Variants in ZNF556 observed in about 807,000 individuals in gnomAD.
The protein encoded by ZNF556 is zinc finger protein 556.
ZNF556 carries 11 observed loss-of-function variants against 13.6 expected under a neutral mutation model. The ratio of observed to expected loss-of-function variants is 0.81; its 90% CI spans 0.51 to 1.33. The LOEUF is 1.33. Ranked by LOEUF, ZNF556 falls within the 40% of genes most tolerant of loss-of-function variation. The probability of loss-of-function intolerance (pLI) is 0.00; values close to 1 mark genes in which losing one functional copy is unlikely to be tolerated. For missense variants in ZNF556, 633 were observed against 566.2 expected, an observed-to-expected ratio of 1.12 and a Z score of -1.20; for synonymous variants, 229 against 207.8, an observed-to-expected ratio of 1.10 and a Z score of -0.88.
chr19:2,873,545 G>T lies in ZNF556; in HGVS notation c.53G>T (p.Trp18Leu). 1.2e-6 allele frequency: 2 copies of T among 1,614,112 alleles called. No homozygotes were observed. Among genetic ancestry groups the T allele is most frequent in the Non-Finnish European group, 1.7e-6 (2 of 1,180,000 alleles). ...DVVVDFTLEE[W>L]ALLNPAQRKL... ...GTTGTGGATTTCACGCTGGAGGAGT[G>T]GGCCTTGCTGAATCCTGCTCAGAGA... The change falls in exon 2 of 4, where the codon TGG becomes TTG. Residue 18 changes from tryptophan (W) to leucine (L), a missense_variant. By Grantham distance (61) the Trp-to-Leu change is moderately conservative (BLOSUM62 -2). Coordinates refer to ENST00000307635, the MANE Select transcript of ZNF556 (RefSeq NM_024967.3).
chr19:2,872,688 G>A (rs1197510184), intron 1 of ZNF556, among the ~76,000 whole-genome samples: 1 of 151,710 alleles, frequency 6.6e-6, no homozygotes, highest in Non-Finnish European at 1.5e-5. Flanking sequence ...GTGTGGTGGC[G>A]GGCACCTGTA....
chr19:2,878,038 T>C lies in ZNF556; in HGVS notation c.1080T>C (p.Asp360=). Residue 360 remains aspartate (D), a synonymous_variant, in exon 4 of 4, where the codon GAT becomes GAC. Transcript: ENST00000307635. Reference sequence around the variant, plus strand: ...CCGCGAGGCCTCGCCCCTCCACAGATGTCAAATCACAAACTAGAGAGAAAG... The same window carrying C: ...CCGCGAGGCCTCGCCCCTCCACAGACGTCAAATCACAAACTAGAGAGAAAG... ...KSSARPRPST[D]VKSQTREKVY... The C allele has an allele frequency of 6.2e-7, 1 of 1,614,078 alleles. No homozygotes were observed.
rs1331860134 is a variant in ZNF556, at chr19:2,878,742, C to G, written c.*413C>G. The G allele has an allele frequency of 1.2e-5, 2 of 160,762 alleles. No homozygotes were observed. Among genetic ancestry groups the G allele is most frequent in the Admixed American group, 5.9e-5 (1 of 16,926 alleles). 10.0% of individuals were successfully genotyped at this position (160,762 alleles called of 1,614,324 possible). On this transcript the variant is annotated 3_prime_UTR_variant, in exon 4 of 4. Transcript: ENST00000307635. ...TTTATAAATATGGTATTGCCTTTAT[C>G]AGGACCACATCCTAAAAGTGGGCCT...
At chr19:2,874,439 G>A (rs1362744530) in intron 2 of ZNF556, among the ~76,000 whole-genome samples, 1 of 151,494 alleles carries the variant, frequency 6.6e-6, no homozygotes, top group African/African-American at 2.4e-5. Flanking sequence ...TTTTCTTTCT[G>A]CCTTGTTGAA....
chr19:2,870,718 GC>G (rs1176333653), intron 1 of ZNF556, among the ~76,000 whole-genome samples: 5 of 147,736 alleles, frequency 3.4e-5, no homozygotes, highest in African/African-American at 1.3e-4. Context: ...TTGCACTCCA[GC>G]CTGGGCGACA....
In ZNF556 at chr19:2,882,254, T is replaced by C. The variant is rs2087909449; in HGVS notation, c.*3925T>C. On this transcript the variant is annotated 3_prime_UTR_variant, in exon 4 of 4. Transcript: ENST00000307635. Reference sequence around the variant, plus strand: ...CATCCTGGCTAACCCGGTGAAACCCTGTCTCTAGTAAAAAATACAAAAAAT... The same window carrying C: ...CATCCTGGCTAACCCGGTGAAACCCCGTCTCTAGTAAAAAATACAAAAAAT... 6.6e-6 allele frequency: 1 copy of C among 151,886 alleles called. No individual in the cohort carries two copies. Among genetic ancestry groups the C allele is most frequent in the Admixed American group, 6.6e-5 (1 of 15,224 alleles). The allele number at this position is 151,886 out of a possible 1,614,324, so 9.4% of individuals were successfully genotyped here.
Position 2,867,413 on chromosome 19 carries a change from G to T in ZNF556, c.-9G>T. ...GGAGCTCCTCAAAGAGCTCAGGAACGGACAGGACATGGTGAGTGCAGGGCA... is the reference window on the plus strand; with the variant it reads ...GGAGCTCCTCAAAGAGCTCAGGAACTGACAGGACATGGTGAGTGCAGGGCA... On this transcript the variant is annotated 5_prime_UTR_variant, in exon 1 of 4. Coordinates refer to ENST00000307635, the MANE Select transcript of ZNF556 (RefSeq NM_024967.3). 1 of 1,584,280 alleles carries T rather than the reference G, an allele frequency of 6.3e-7. No homozygotes were observed. Among genetic ancestry groups the T allele is most frequent in the African/African-American group, 1.3e-5 (1 of 74,900 alleles).
In ZNF556 at chr19:2,876,229, A is replaced by G; in HGVS notation, c.267A>G (p.Glu89=). The G allele has an allele frequency of 6.2e-7, 1 of 1,609,296 alleles. No homozygotes were observed. The highest frequency in any genetic ancestry group is 8.5e-7 in the Non-Finnish European group (1 of 1,178,654). Residue 89 remains glutamate, a synonymous_variant, in exon 3 of 4, where the codon GAA becomes GAG. Transcript: ENST00000307635. Reference sequence around the variant, plus strand: ...CCTCCCTTTTAGGAAAAAATTGGGAAGAACATAGCGTTAAAGACAAGCACA... The same window carrying G: ...CCTCCCTTTTAGGAAAAAATTGGGAGGAACATAGCGTTAAAGACAAGCACA... ...IWASLLGKNW[E]EHSVKDKHNT...
Position 2,873,524 on chromosome 19 carries a change from T to C in ZNF556, c.32T>C (p.Val11Ala). The change falls in exon 2 of 4, where the codon GTG becomes GCG. Residue 11 changes from valine (V) to alanine (A), a missense_variant. Coordinates refer to ENST00000307635, the MANE Select transcript of ZNF556 (RefSeq NM_024967.3). Reference protein sequence around the residue: MDTVVFEDVVVDFTLEEWALL... With the variant: MDTVVFEDVVADFTLEEWALL... ...ACAGTGGTCTTTGAAGACGTGGTTG[T>C]GGATTTCACGCTGGAGGAGTGGGCC... is the stretch of plus-strand genomic sequence containing the variant. 1 of 1,614,194 alleles carries C rather than the reference T, an allele frequency of 6.2e-7. No homozygotes were observed. The highest frequency in any genetic ancestry group is 1.1e-5 in the South Asian group (1 of 91,086).
chr19:2,873,445 G>A, intron 1 of ZNF556, 51 bp from the exon 2 acceptor site: 4 of 1,604,018 alleles, frequency 2.5e-6, no homozygotes, highest in Non-Finnish European at 3.4e-6. Flanking sequence ...CAGTTCCGCA[G>A]TGCTGTGAGT....
rs57053138 is a variant in ZNF556 at position 2,882,531 on chromosome 19, A to ATAGTGTGTGTGTGTGTGTGTGTGT, written c.*4202_*4203insTAGTGTGTGTGTGTGTGTGTGTGT. The stretch of plus-strand genomic sequence containing the variant: ...ATACATTTTATATATATATATATAT[A>ATAGTGTGTGTGTGTGTGTGTGTGT]GTGTGTGTGTGTGTGTGTGTGTGTG... On this transcript the variant is annotated 3_prime_UTR_variant, in exon 4 of 4. Coordinates refer to ENST00000307635, the MANE Select transcript of ZNF556 (RefSeq NM_024967.3). 4 of 127,722 alleles carry ATAGTGTGTGTGTGTGTGTGTGTGT rather than the reference A, an allele frequency of 3.1e-5. No individual in the cohort carries two copies. Among genetic ancestry groups the ATAGTGTGTGTGTGTGTGTGTGTGT allele is most frequent in the Non-Finnish European group, 4.8e-5 (3 of 62,718 alleles). The allele number at this position is 127,722 out of a possible 1,614,324, so 7.9% of individuals were successfully genotyped here.
At chr19:2,872,972 A>G (rs1257595218) in intron 1 of ZNF556, among the ~76,000 whole-genome samples, 4 of 151,864 alleles carry the variant, frequency 2.6e-5, no homozygotes, top group African/African-American at 9.7e-5. Flanking sequence ...ATCTCTACTA[A>G]AAATATAAAA....
At chr19:2,874,185 A>C (rs1411883137) in intron 2 of ZNF556, among the ~76,000 whole-genome samples, 2 of 152,022 alleles carry the variant, frequency 1.3e-5, no homozygotes, top group African/African-American at 4.8e-5. Context: ...TGAACCCGGG[A>C]GGCAGAGGTT....
chr19:2,882,449 G>A lies in ZNF556; in HGVS notation c.*4120G>A, dbSNP rs2087910998. 6.7e-6 allele frequency: 1 copy of A among 149,662 alleles called. No individual in the cohort carries two copies. Among genetic ancestry groups the A allele is most frequent in the African/African-American group, 2.5e-5 (1 of 40,602 alleles). 9.3% of individuals were successfully genotyped at this position (149,662 alleles called of 1,614,324 possible). On this transcript the variant is annotated 3_prime_UTR_variant, in exon 4 of 4. Coordinates refer to ENST00000307635, the MANE Select transcript of ZNF556 (RefSeq NM_024967.3). ...TCTCAAAAAAAAAAAGAGACAAAAG[G>A]TATATTTATGGTTCAGCCTCATTTC...
In ZNF556 at chr19:2,876,268, A is replaced by G. The variant is rs1242607774; in HGVS notation, c.306A>G (p.Arg102=). Residue 102 remains arginine, a synonymous_variant, in exon 3 of 4, where the codon AGA becomes AGG. Coordinates refer to ENST00000307635, the MANE Select transcript of ZNF556 (RefSeq NM_024967.3). ...AAGACAAGCACAACACCAAGGAGAG[A>G]CATTTGAGGTGAGTTGTACTTAGAA... ...SVKDKHNTKE[R]HLSRNPRVER... is the part of the protein sequence containing the mutation. 2 of 1,589,296 alleles carry G rather than the reference A, an allele frequency of 1.3e-6. No individual in the cohort carries two copies. Among genetic ancestry groups the G allele is most frequent in the Non-Finnish European group, 1.7e-6 (2 of 1,172,396 alleles).
At position 2,879,406 on chromosome 19, in the gene ZNF556, A is replaced by C. The variant is rs1237383138; in HGVS notation, c.*1077A>C. The C allele has an allele frequency of 6.6e-6, 1 of 152,018 alleles. No individual in the cohort carries two copies. Among genetic ancestry groups the C allele is most frequent in the Non-Finnish European group, 1.5e-5 (1 of 68,062 alleles). 9.4% of individuals were successfully genotyped at this position (152,018 alleles called of 1,614,324 possible). On this transcript the variant is annotated 3_prime_UTR_variant, in exon 4 of 4. Coordinates refer to ENST00000307635, the MANE Select transcript of ZNF556 (RefSeq NM_024967.3). ...GTTATGTTGCCCAAGCTGGAGTGCAACGGCACGATCTCGGCTCACTGCAAC... is the reference window on the plus strand; with the variant it reads ...GTTATGTTGCCCAAGCTGGAGTGCACCGGCACGATCTCGGCTCACTGCAAC...
In ZNF556 at chr19:2,878,143, G is replaced by A. The variant is rs1482354327; in HGVS notation, c.1185G>A (p.Glu395=). 1.2e-6 allele frequency: 2 copies of A among 1,614,140 alleles called. No individual in the cohort carries two copies. The highest frequency in any genetic ancestry group is 1.7e-6 in the Non-Finnish European group (2 of 1,180,024). ...AACATGAGAGAAAGCACACTGGGGAGAAACCTGTAAATGCAGCCAGTGTGG... is the reference window on the plus strand; with the variant it reads ...AACATGAGAGAAAGCACACTGGGGAAAAACCTGTAAATGCAGCCAGTGTGG... ...LHKHERKHTG[E]KPVNAASVGK... The change falls in exon 4 of 4, where the codon GAG becomes GAA. Residue 395 remains glutamate (E), a synonymous_variant. Coordinates refer to ENST00000307635, the MANE Select transcript of ZNF556 (RefSeq NM_024967.3).
chr19:2,869,240 A>C (rs553446647), intron 1 of ZNF556, among the ~76,000 whole-genome samples: 1 of 152,252 alleles, frequency 6.6e-6, no homozygotes, highest in Non-Finnish European at 1.5e-5. Context: ...ATTACCGCCT[A>C]CATCTCAGTT....
rs1197816724 is a variant in ZNF556, at chr19:2,880,862, C to T, written c.*2533C>T. 2 of 143,628 alleles carry T rather than the reference C, an allele frequency of 1.4e-5. No homozygotes were observed. The highest frequency in any genetic ancestry group is 4.5e-4 in the East Asian group (2 of 4,486). The allele number at this position is 143,628 out of a possible 1,614,324, so 8.9% of individuals were successfully genotyped here. A position where few individuals can be genotyped will look rare whatever the true frequency, so the allele number is the denominator to read the frequency against. ...GTTTCCTATACTGTTATAATTTTGT[C>T]TAAGAAATTCTTTTTTTTTTTTTTG... On this transcript the variant is annotated 3_prime_UTR_variant, in exon 4 of 4. Transcript: ENST00000307635.
Sources: allele counts gnomAD v4.1 joint callset (sites outside exome capture counted in the v4.1 genomes callset), GRCh38; gene constraint gnomAD v4.1.1; transcripts MANE v1.5; gene names NCBI Gene and HGNC (gene_info 2026-07-23, HGNC 2026-07-21).